The following RBFOX1 variants were observed in gnomAD, a reference collection of about 807,000 sequenced individuals.
RBFOX1 encodes RNA binding protein fox-1 homolog 1.
Under a neutral mutation model 57.7 loss-of-function variants are expected in RBFOX1, and 8 were observed. That is an observed-to-expected ratio of 0.14 (90% confidence interval 0.08 to 0.25). The LOEUF is 0.25. Ranked by LOEUF, RBFOX1 falls within the 10% of genes least tolerant of loss-of-function variation. RBFOX1 has a pLI of 1.00. For missense variants in RBFOX1, 611 were observed against 548.5 expected (o/e 1.11, Z -1.14); for synonymous variants, 326 against 222.4 (o/e 1.47, Z -4.15).
At chr16:6,237,136 C>G (rs1284503196) in intron 1 of RBFOX1, among the ~76,000 whole-genome samples, 1 of 152,220 alleles carries the variant, frequency 6.6e-6, no homozygotes, top group African/African-American at 2.4e-5. Flanking sequence ...TAAAATCTTA[C>G]TGGAAGTCCC....
intron 3 of RBFOX1, among the ~76,000 whole-genome samples, chr16:5,785,141 A>G (rs1279029644): frequency 6.6e-6 from 1 of 152,226 alleles, no homozygotes; most frequent in Non-Finnish European, 1.5e-5. Flanking sequence ...ATAAATTCCC[A>G]GGACGGGTGT....
intron 4 of RBFOX1, among the ~76,000 whole-genome samples, chr16:5,984,969 TATA>T (rs1465693887): frequency 0.012 from 653 of 54,880 alleles, 9 homozygotes; most frequent in African/African-American, 0.035. Flanking sequence ...TATATATATA[TATA>T]TATATTTTTT....
At chr16:6,143,829 T>A (rs2096737104) in intron 1 of RBFOX1, among the ~76,000 whole-genome samples, 1 of 152,020 alleles carries the variant, frequency 6.6e-6, no homozygotes, top group South Asian at 2.1e-4. Context: ...AGGGTCTTGC[T>A]CTTTTGCCTA....
rs566676541 is a variant in RBFOX1, at chr16:6,813,095, C to T, written c.-16+158445C>T. 4.0e-5 allele frequency among the ~76,000 whole-genome samples: 6 copies of T among 151,174 alleles called. No individual in the cohort carries two copies. In the South Asian group the frequency reaches 8.3e-4, roughly 21 times the overall value. On this transcript the variant is annotated intron_variant, in intron 3 of 15. Transcript: ENST00000550418. ...ATGAAGAAAACCATGAATATATTTT[C>T]ACTCCCATTAAAAAAAAAAAGTGCA...
rs183201788 is a variant in RBFOX1, at chr16:7,224,597, G to A, written c.27+172499G>A. ...TAAACTTTCAGATTTTCAGTTGGGC[G>A]TGTAGTGGGGTGGGTTAGGGGGAGG... On this transcript the variant is annotated intron_variant, in intron 4 of 15. Transcript: ENST00000550418. Among the ~76,000 whole-genome samples the A allele has an allele frequency of 1.3e-4, 20 of 152,266 alleles. No homozygotes were observed. In the East Asian group the frequency reaches 1.7e-3, roughly 13 times the overall value.
intron 2 of RBFOX1, among the ~76,000 whole-genome samples, chr16:6,531,939 T>C (rs565120700): frequency 1.3e-5 from 2 of 152,294 alleles, no homozygotes; most frequent in African/African-American, 4.8e-5. Flanking sequence ...TTAGCAGTAG[T>C]CAGTGAGCTT....
At chr16:7,445,805 A>T (rs974972750) in intron 4 of RBFOX1, among the ~76,000 whole-genome samples, 6 of 152,316 alleles carry the variant, frequency 3.9e-5, no homozygotes, top group Admixed American at 1.3e-4. Context: ...CCTAATCTAC[A>T]ACAACAAATA....
intron 1 of RBFOX1, among the ~76,000 whole-genome samples, chr16:6,182,497 CAT>C (rs1481446934): frequency 7.2e-5 from 11 of 152,294 alleles, no homozygotes; most frequent in Middle Eastern, 6.8e-3. Flanking sequence ...CCAACACGCA[CAT>C]AGTCTTCATA....
intron 3 of RBFOX1, among the ~76,000 whole-genome samples, chr16:6,711,652 C>T (rs575562994): frequency 6.6e-6 from 1 of 152,300 alleles, no homozygotes; most frequent in African/African-American, 2.4e-5. Flanking sequence ...GCTTCCCCAT[C>T]CGTGTGGAAC....
intron 2 of RBFOX1, among the ~76,000 whole-genome samples, chr16:6,463,298 T>G (rs1374612106): frequency 6.6e-6 from 1 of 152,178 alleles, no homozygotes; most frequent in Non-Finnish European, 1.5e-5. Flanking sequence ...CTCGGATGTG[T>G]GCATATACTC....
intron 4 of RBFOX1, among the ~76,000 whole-genome samples, chr16:5,964,023 G>T (rs1487958636): frequency 6.6e-6 from 1 of 152,152 alleles, no homozygotes; most frequent in Non-Finnish European, 1.5e-5. Context: ...ATTAATATCT[G>T]TGTTTTATAT....
chr16:5,825,455 A>G (rs1011885409), intron 3 of RBFOX1, among the ~76,000 whole-genome samples: 1 of 152,220 alleles, frequency 6.6e-6, no homozygotes, highest in Non-Finnish European at 1.5e-5. Context: ...AAGTGTCTAG[A>G]TCATCTACTG....
rs540804065 is a variant in RBFOX1, at chr16:7,361,660, C to T, written c.28-156487C>T. On this transcript the variant is annotated intron_variant, in intron 4 of 15. Coordinates refer to ENST00000550418, the MANE Select transcript of RBFOX1 (RefSeq NM_018723.4). The stretch of plus-strand genomic sequence containing the variant: ...AGGTGGGAGACAGCAGGGAAGGATG[C>T]TTGGATATGGCTGAGCCACGTTCCT... Among the ~76,000 whole-genome samples the T allele has an allele frequency of 1.6e-4, 24 of 152,284 alleles. No homozygotes were observed. In the South Asian group the frequency reaches 4.8e-3, roughly 30 times the overall value.
chr16:5,920,494 A>C (rs779615459), intron 4 of RBFOX1, among the ~76,000 whole-genome samples: 21 of 152,102 alleles, frequency 1.4e-4, no homozygotes, highest in Non-Finnish European at 1.9e-4. Context: ...GTTATATGGC[A>C]ATTCGTTAAC....
intron 2 of RBFOX1, among the ~76,000 whole-genome samples, chr16:6,612,867 A>AAT (rs1231550485): frequency 1.4e-5 from 2 of 143,474 alleles, no homozygotes; most frequent in Non-Finnish European, 3.1e-5. Context: ...AAAAAAAAAT[A>AAT]ATAATAATAA....
chr16:5,908,202 A>ATACG (rs35975022), intron 4 of RBFOX1, among the ~76,000 whole-genome samples: 53 of 146,542 alleles, frequency 3.6e-4, no homozygotes, highest in African/African-American at 6.6e-4. Flanking sequence ...ATATACATAT[A>ATACG]CACACATATA....
intron 4 of RBFOX1, among the ~76,000 whole-genome samples, chr16:5,871,955 G>C (rs571484242): frequency 1.6e-4 from 25 of 152,108 alleles, no homozygotes; most frequent in Non-Finnish European, 3.5e-4. Flanking sequence ...CAAACTCAGT[G>C]GCCTTGGGAG....
chr16:6,235,312 A>C (rs1246503551), intron 1 of RBFOX1, among the ~76,000 whole-genome samples: 2 of 151,796 alleles, frequency 1.3e-5, no homozygotes, highest in Non-Finnish European at 2.9e-5. Flanking sequence ...CTTACTTTCC[A>C]CCTATTCAGC....
chr16:6,465,884 T>TTGTGTGTG (rs111917166), intron 2 of RBFOX1, among the ~76,000 whole-genome samples: 78,173 of 146,094 alleles, frequency 0.54, 20,609 homozygotes, highest in Middle Eastern at 0.63. Flanking sequence ...ATTTGTGTGT[T>TTGTGTGTG]TGTGTGTGTG....
Sources: gnomAD v4.1 joint callset for allele counts (sites outside exome capture counted in the v4.1 genomes callset) on GRCh38, gnomAD v4.1.1 for gene constraint, MANE v1.5 for transcripts, NCBI Gene and HGNC (gene_info 2026-07-23, HGNC 2026-07-21) for gene names.